DRC7: variants seen among roughly 807,000 people sequenced by gnomAD.
The protein encoded by DRC7 is dynein regulatory complex subunit 7, also known as coiled-coil domain containing 135.
In DRC7, 80 loss-of-function variants were observed where a neutral mutation model predicts 104.4. That is an observed-to-expected ratio of 0.77 (90% confidence interval 0.64 to 0.92). The LOEUF (loss-of-function observed/expected upper bound fraction) is 0.92. Among genes scored for constraint, DRC7 ranks in the 40% least tolerant of loss-of-function variants. DRC7 has a pLI of 0.00. For missense variants in DRC7, 1,034 were observed against 1,141.1 expected (o/e 0.91, Z 1.35); for synonymous variants, 405 against 447.3 (o/e 0.91, Z 1.19).
Position 57,731,170 on chromosome 16 carries a change from A to G in DRC7, c.2537A>G (p.Lys846Arg). Residue 846 changes from lysine to arginine, a missense_variant, in exon 19 of 19, where the codon AAG becomes AGG. Lys to Arg is a conservative substitution (Grantham distance 26). Transcript: ENST00000360716. Reference protein sequence around the residue: ...RILEQRLNRHKELAPLKYLAL... With the variant: ...RILEQRLNRHRELAPLKYLAL... ...CCTTGCCTCTCTGACTTCAGACACA[A>G]GGAACTGGCCCCACTGAAGTACCTG... is the stretch of plus-strand genomic sequence containing the variant. The G allele has an allele frequency of 3.7e-6, 6 of 1,613,902 alleles. No homozygotes were observed. Among genetic ancestry groups the G allele is most frequent in the African/African-American group, 1.3e-5 (1 of 75,050 alleles).
In DRC7 at chr16:57,704,859, C is replaced by T; in HGVS notation, c.700-17C>T. On this transcript the variant is annotated splice_polypyrimidine_tract_variant and intron_variant, in intron 6 of 18. Coordinates refer to ENST00000360716, the MANE Select transcript of DRC7 (RefSeq NM_001289162.2). Reference sequence around the variant, plus strand: ...GGATGCAGGGCCACTGACCCTTCCTCTTCTTTTGGGTGACAGACCATCAAG... The same window carrying T: ...GGATGCAGGGCCACTGACCCTTCCTTTTCTTTTGGGTGACAGACCATCAAG... 1 of 1,612,744 alleles carries T rather than the reference C, an allele frequency of 6.2e-7. No homozygotes were observed. Among genetic ancestry groups the T allele is most frequent in the Non-Finnish European group, 8.5e-7 (1 of 1,179,342 alleles).
rs2048915477 is a variant in DRC7 at position 57,722,644 on chromosome 16, G to A, written c.1280-69G>A. 1.9e-6 allele frequency: 3 copies of A among 1,594,324 alleles called. No homozygotes were observed. In the South Asian group the frequency reaches 3.3e-5, roughly 18 times the overall value. ...GAGAACGGGCAGTGGATGGATGAAT[G>A]GCTGGGCGGGGCTGGCCCTCCCTTC... On this transcript the variant is annotated intron_variant, in intron 10 of 18. Coordinates refer to ENST00000360716, the MANE Select transcript of DRC7 (RefSeq NM_001289162.2).
chr16:57,720,272 T>C (rs2048889065), intron 9 of DRC7, among the ~76,000 whole-genome samples: 1 of 152,236 alleles, frequency 6.6e-6, no homozygotes, highest in East Asian at 1.9e-4. Context: ...ACAGTCTGGC[T>C]CCACAGTCTG....
At chr16:57,706,907 G>T (rs938851163) in intron 7 of DRC7, among the ~76,000 whole-genome samples, 16 of 148,736 alleles carry the variant, frequency 1.1e-4, no homozygotes, top group African/African-American at 4.0e-4. Context: ...CATTTTTCCT[G>T]CCATCAGTCC....
At chr16:57,700,656 C>CAAAAAAAAAAAAAAAAA (rs59120133) in intron 5 of DRC7, among the ~76,000 whole-genome samples, 1 of 88,618 alleles carries the variant, frequency 1.1e-5, no homozygotes, top group African/African-American at 4.3e-5. Context: ...AAAACTCTCT[C>CAAAAAAAAAAAAAAAAA]AAAAAAAAAA....
rs1255729478 is a variant in DRC7 at position 57,728,586 on chromosome 16, T to C, written c.2391+2T>C. 2 of 1,585,372 alleles carry C rather than the reference T, an allele frequency of 1.3e-6. No individual in the cohort carries two copies. The highest frequency in any genetic ancestry group is 1.4e-5 in the African/African-American group (1 of 73,988). ...CTCATCCAGGCCCGCTTTGAGAAGG[T>C]GCCACCAGGGCCTTTGTTGGGGAGG... On this transcript the variant is annotated splice_donor_variant, in intron 17 of 18. Transcript: ENST00000360716. LOFTEE classifies it high-confidence loss of function.
Position 57,726,817 on chromosome 16 carries a change from T to C in DRC7, c.1975-15T>C, listed in dbSNP as rs2048973121. 6.4e-7 allele frequency: 1 copy of C among 1,558,412 alleles called. No homozygotes were observed. The highest frequency in any genetic ancestry group is 1.7e-5 in the Admixed American group (1 of 58,972). ...TGGCAGCCTCTCTGTGTTACTAAGG[T>C]GGTTGTTGTCCCAGGTGGAGCCCAT... On this transcript the variant is annotated splice_polypyrimidine_tract_variant and intron_variant, in intron 14 of 18. Coordinates refer to ENST00000360716, the MANE Select transcript of DRC7 (RefSeq NM_001289162.2).
intron 8 of DRC7, among the ~76,000 whole-genome samples, chr16:57,715,899 C>A (rs148364971): frequency 4.6e-5 from 7 of 152,298 alleles, no homozygotes; most frequent in Admixed American, 2.0e-4. Flanking sequence ...GCCAGAGGGG[C>A]AGTGCTGTGC....
At chr16:57,725,717 G>GC (rs2048954692) in intron 13 of DRC7, 1 of 245,180 alleles carries the variant, frequency 4.1e-6, no homozygotes, top group African/African-American at 2.2e-5. Flanking sequence ...AAATTAGTTG[G>GC]CAACTGTGTG....
Position 57,731,204 on chromosome 16 carries a change from G to A in DRC7, c.2571G>A (p.Glu857=), listed in dbSNP as rs2049058710. The change falls in exon 19 of 19, where the codon GAG becomes GAA. Residue 857 remains glutamate (E), a synonymous_variant. Coordinates refer to ENST00000360716, the MANE Select transcript of DRC7 (RefSeq NM_001289162.2). ...CCCCACTGAAGTACCTGGCTCTGGA[G>A]GAAAAGCTCTACAAGGACCCACGCC... ...ELAPLKYLAL[E]EKLYKDPRLG... is the part of the protein sequence containing the mutation. 6.2e-7 allele frequency: 1 copy of A among 1,613,766 alleles called. No homozygotes were observed. Among genetic ancestry groups the A allele is most frequent in the Non-Finnish European group, 8.5e-7 (1 of 1,180,004 alleles).
intron 8 of DRC7, among the ~76,000 whole-genome samples, chr16:57,715,128 A>G (rs2048828547): frequency 6.6e-6 from 1 of 152,160 alleles, no homozygotes; most frequent in South Asian, 2.1e-4. Context: ...GCACACTGCA[A>G]TCCCCGCCTC....
At chr16:57,698,178 G>A (rs1251916230) in intron 3 of DRC7, 26 bp downstream of exon 3, 3 of 1,613,500 alleles carry the variant, frequency 1.9e-6, no homozygotes, top group East Asian at 2.2e-5. Flanking sequence ...TGGGGGCCCT[G>A]GCAAGGGTAG....
chr16:57,705,670 CCCATCCAT>C (rs1423630736), intron 7 of DRC7, among the ~76,000 whole-genome samples: 1 of 134,458 alleles, frequency 7.4e-6, no homozygotes, highest in Admixed American at 7.3e-5. Flanking sequence ...CATCCATCTT[CCCATCCAT>C]CCATCCATCC....
In DRC7 at chr16:57,721,736, GAA is replaced by G. The variant is rs1378347393; in HGVS notation, c.1277_1278del (p.Glu426GlyfsTer3). ...GGTGGAGCAGATTGAGATCTCCCCG[GAA>G]GGTATTTTCTATTTGTGTATTCACT... ...SWVEQIEISP[E>X]AFETRCPNGK... On this transcript the variant is annotated frameshift_variant and splice_region_variant, in exon 10 of 19. Transcript: ENST00000360716. LOFTEE classifies it high-confidence loss of function. The G allele has an allele frequency of 3.0e-5, 49 of 1,612,900 alleles. No individual in the cohort carries two copies. Among genetic ancestry groups the G allele is most frequent in the Non-Finnish European group, 3.6e-5 (42 of 1,179,144 alleles).
At chr16:57,722,639 T>G (rs2048915423) in intron 10 of DRC7, 74 bp from the exon 11 acceptor site, 1 of 1,590,072 alleles carries the variant, frequency 6.3e-7, no homozygotes, top group Admixed American at 1.7e-5. Context: ...AGTGGATGGA[T>G]GAATGGCTGG....
chr16:57,708,908 C>T (rs2048762353), intron 8 of DRC7, among the ~76,000 whole-genome samples: 1 of 151,962 alleles, frequency 6.6e-6, no homozygotes, highest in Admixed American at 6.6e-5. Context: ...GAGGGTGGAT[C>T]ATTTGAAGTC....
intron 1 of DRC7, among the ~76,000 whole-genome samples, chr16:57,695,998 G>A (rs1254179195): frequency 6.6e-6 from 1 of 152,216 alleles, no homozygotes; most frequent in Non-Finnish European, 1.5e-5. Flanking sequence ...CCAGGGAAGT[G>A]GGGGATGATT....
chr16:57,705,646 CCCA>C (rs2048707996), intron 7 of DRC7, among the ~76,000 whole-genome samples: 1 of 129,374 alleles, frequency 7.7e-6, no homozygotes, highest in Non-Finnish European at 1.6e-5. Flanking sequence ...CATCCTCCCA[CCCA>C]TCCTCCCATC....
chr16:57,715,519 T>C (rs2048833497), intron 8 of DRC7, among the ~76,000 whole-genome samples: 1 of 152,248 alleles, frequency 6.6e-6, no homozygotes, highest in Non-Finnish European at 1.5e-5. Context: ...GAGAAACTTC[T>C]GCCTTCAGCA....
Sources: gnomAD v4.1 joint callset for allele counts (sites outside exome capture counted in the v4.1 genomes callset) on GRCh38, gnomAD v4.1.1 for gene constraint, MANE v1.5 for transcripts, NCBI Gene and HGNC (gene_info 2026-07-23, HGNC 2026-07-21) for gene names.